The following SSH2 variants were observed in gnomAD, a reference collection of about 807,000 sequenced individuals.
SSH2 encodes the protein slingshot protein phosphatase 2.
SSH2 carries 37 observed loss-of-function variants against 135.2 expected under a neutral mutation model. That is an observed-to-expected ratio of 0.27 (90% confidence interval 0.21 to 0.36). The LOEUF (loss-of-function observed/expected upper bound fraction) is 0.36. SSH2 is among the 10% of genes least tolerant of loss of function. The probability of loss-of-function intolerance (pLI) is 1.00; values close to 1 mark genes in which losing one functional copy is unlikely to be tolerated. For synonymous variants in SSH2, 628 were observed against 646.2 expected, an observed-to-expected ratio of 0.97 and a Z score of 0.43; for missense variants, 1,408 against 1,765.3, an observed-to-expected ratio of 0.80 and a Z score of 3.63.
intron 3 of SSH2, chr17:29,777,809 A>AAC (rs1555632157): frequency 6.6e-6 from 1 of 152,652 alleles, no homozygotes; most frequent in Non-Finnish European, 1.5e-5. Context: ...AAAAAAAAAA[A>AAC]AAAAAACCTG....
intron 15 of SSH2, among the ~76,000 whole-genome samples, chr17:29,634,787 G>A (rs2035828875): frequency 6.6e-6 from 1 of 152,046 alleles, no homozygotes; most frequent in African/African-American, 2.4e-5. Context: ...TCTTGACCTC[G>A]TGATCTGGCT....
At chr17:29,925,007 C>T (rs530536843) in intron 1 of SSH2, among the ~76,000 whole-genome samples, 3 of 152,286 alleles carry the variant, frequency 2.0e-5, no homozygotes, top group Admixed American at 6.5e-5. Context: ...TCTCTTATCA[C>T]ATCATGGAAA....
intron 1 of SSH2, among the ~76,000 whole-genome samples, chr17:29,901,046 G>A (rs1230478526): frequency 4.6e-5 from 7 of 151,890 alleles, no homozygotes; most frequent in South Asian, 4.2e-4. Context: ...ACCAAACACC[G>A]CATGTTCTCA....
intron 3 of SSH2, among the ~76,000 whole-genome samples, chr17:29,753,323 T>A (rs1309426530): frequency 6.7e-6 from 1 of 149,934 alleles, no homozygotes. Context: ...AGAGATGGGG[T>A]TTCACCATGT....
In SSH2 at chr17:29,632,494, G is replaced by C; in HGVS notation, c.2700C>G (p.Phe900Leu). Reference protein sequence around the residue: ...PGSVRRATLEFEERLRQEQEH... With the variant: ...PGSVRRATLELEERLRQEQEH... ...CTTGCTCCTGCCGTAAGCGCTCTTCGAACTCCAAGGTGGCTCGCCTCACAG... is the reference window on the plus strand; with the variant it reads ...CTTGCTCCTGCCGTAAGCGCTCTTCCAACTCCAAGGTGGCTCGCCTCACAG... Residue 900 changes from phenylalanine (F) to leucine (L), a missense_variant, in exon 16 of 16, where the codon TTC (phenylalanine) becomes TTG (leucine). Coordinates refer to ENST00000540801, the MANE Select transcript of SSH2 (RefSeq NM_001282129.2). The C allele has an allele frequency of 6.2e-7, 1 of 1,614,134 alleles. No homozygotes were observed. Among genetic ancestry groups the C allele is most frequent in the South Asian group, 1.1e-5 (1 of 91,078 alleles).
At chr17:29,722,273 C>CAAAAAA (rs541297774) in intron 3 of SSH2, among the ~76,000 whole-genome samples, 1 of 92,816 alleles carries the variant, frequency 1.1e-5, no homozygotes. Flanking sequence ...GACATTATCT[C>CAAAAAA]AAAAAAAAAA....
intron 14 of SSH2, among the ~76,000 whole-genome samples, chr17:29,637,117 G>C (rs2035943655): frequency 6.6e-6 from 1 of 152,062 alleles, no homozygotes. Context: ...CAGAATTTTT[G>C]TTTTTTGTTT....
intron 2 of SSH2, among the ~76,000 whole-genome samples, chr17:29,826,280 A>G (rs2042742536): frequency 6.6e-6 from 1 of 152,314 alleles, no homozygotes; most frequent in South Asian, 2.1e-4. Flanking sequence ...ACAGCTCTTA[A>G]GACTTAAAAG....
At chr17:29,662,962 C>G (rs1205321462) in intron 11 of SSH2, among the ~76,000 whole-genome samples, 1 of 152,226 alleles carries the variant, frequency 6.6e-6, no homozygotes, top group Non-Finnish European at 1.5e-5. Context: ...CTATCAACAT[C>G]TAGCTTTTTC....
intron 12 of SSH2, 77 bp downstream of exon 12, chr17:29,655,484 C>A (rs914537027): frequency 2.0e-5 from 26 of 1,324,936 alleles, no homozygotes; most frequent in Non-Finnish European, 2.6e-5. Flanking sequence ...CCCACTGATA[C>A]CTCTTTGATG....
intron 3 of SSH2, among the ~76,000 whole-genome samples, chr17:29,755,806 C>A (rs1038485538): frequency 1.3e-5 from 2 of 150,928 alleles, no homozygotes; most frequent in African/African-American, 4.8e-5. Context: ...GGACTACAGG[C>A]ACCCGCCACC....
chr17:29,850,759 G>A (rs1028721258), intron 1 of SSH2, among the ~76,000 whole-genome samples: 9 of 152,340 alleles, frequency 5.9e-5, no homozygotes, highest in Admixed American at 4.6e-4. Context: ...GCCGAGGCGG[G>A]TGGATCACGA....
chr17:29,637,349 T>G (rs186257322), intron 14 of SSH2, among the ~76,000 whole-genome samples: 63 of 152,238 alleles, frequency 4.1e-4, no homozygotes, highest in African/African-American at 1.4e-3. Flanking sequence ...TATGCCCACA[T>G]TGGCCCCCCA....
intron 1 of SSH2, among the ~76,000 whole-genome samples, chr17:29,872,125 A>G (rs2065947042): frequency 6.6e-6 from 1 of 152,222 alleles, no homozygotes; most frequent in Non-Finnish European, 1.5e-5. Flanking sequence ...CAAAGTTATT[A>G]AAGGGTTAAA....
At chr17:29,929,588 G>A (rs888478466) in intron 1 of SSH2, among the ~76,000 whole-genome samples, 1 of 152,082 alleles carries the variant, frequency 6.6e-6, no homozygotes, top group Admixed American at 6.5e-5. Context: ...GAGGCTCACG[G>A]TCCCCTCCCT....
chr17:29,643,547 G>A (rs1455504297), intron 14 of SSH2, among the ~76,000 whole-genome samples: 1 of 152,154 alleles, frequency 6.6e-6, no homozygotes, highest in South Asian at 2.1e-4. Flanking sequence ...TAGCTGGGGT[G>A]AAGTGGCGTG....
intron 2 of SSH2, among the ~76,000 whole-genome samples, chr17:29,810,458 G>A (rs937870021): frequency 6.6e-6 from 1 of 151,892 alleles, no homozygotes; most frequent in African/African-American, 2.4e-5. Flanking sequence ...TTTTTAACTT[G>A]CATATTTAAA....
At chr17:29,823,659 C>CT in intron 2 of SSH2, among the ~76,000 whole-genome samples, 1 of 152,208 alleles carries the variant, frequency 6.6e-6, no homozygotes, top group East Asian at 1.9e-4. Flanking sequence ...GGGCAGATCA[C>CT]TTTGAGGTTA....
At chr17:29,641,382 C>A (rs563920557) in intron 14 of SSH2, among the ~76,000 whole-genome samples, 1 of 152,152 alleles carries the variant, frequency 6.6e-6, no homozygotes, top group East Asian at 1.9e-4. Context: ...CCTCCCACCC[C>A]CTTCCAGGCA....
Sources: gnomAD v4.1 joint callset for allele counts (sites outside exome capture counted in the v4.1 genomes callset) on GRCh38, gnomAD v4.1.1 for gene constraint, MANE v1.5 for transcripts, NCBI Gene and HGNC (gene_info 2026-07-23, HGNC 2026-07-21) for gene names.